Variants in AP1S3 observed in about 807,000 individuals in gnomAD.
The protein encoded by AP1S3 is adaptor related protein complex 1 subunit sigma 3.
AP1S3 carries 10 observed loss-of-function variants against 20.9 expected under a neutral mutation model. That is an observed-to-expected ratio of 0.48 (90% CI 0.29 to 0.81). The LOEUF (loss-of-function observed/expected upper bound fraction) is 0.81. AP1S3 is among the 30% of genes least tolerant of loss of function. The probability of loss-of-function intolerance (pLI) is 0.08; values close to 1 mark genes in which losing one functional copy is unlikely to be tolerated. For synonymous variants in AP1S3, 41 were observed against 61.5 expected (o/e 0.67, Z 1.56); for missense variants, 154 against 183.8 (o/e 0.84, Z 0.94).
At chr2:223,779,030 G>T (rs1392688878) in intron 1 of AP1S3, among the ~76,000 whole-genome samples, 2 of 152,060 alleles carry the variant, frequency 1.3e-5, no homozygotes, top group African/African-American at 2.4e-5. Flanking sequence ...CATTTTGCAC[G>T]CTACTTGGCT....
intron 3 of AP1S3, 66 bp from the exon 4 acceptor site, chr2:223,765,416 T>A: frequency 6.6e-7 from 1 of 1,522,348 alleles, no homozygotes; most frequent in Non-Finnish European, 8.8e-7. Flanking sequence ...TCTGCCCGAA[T>A]CTCGAGCTTT....
At chr2:223,778,265 A>T (rs1690838574) in intron 1 of AP1S3, among the ~76,000 whole-genome samples, 1 of 151,868 alleles carries the variant, frequency 6.6e-6, no homozygotes, top group South Asian at 2.1e-4. Context: ...AGCTGGAATT[A>T]CAGGTGCCCA....
intron 2 of AP1S3, among the ~76,000 whole-genome samples, chr2:223,776,637 C>T (rs1475356053): frequency 6.6e-6 from 1 of 152,154 alleles, no homozygotes; most frequent in African/African-American, 2.4e-5. Context: ...AGGGTCAGGT[C>T]AGCTGTGTTC....
At chr2:223,816,695 T>C (rs988832142) in intron 1 of AP1S3, among the ~76,000 whole-genome samples, 1 of 152,236 alleles carries the variant, frequency 6.6e-6, no homozygotes, top group Non-Finnish European at 1.5e-5. Flanking sequence ...TTTTCACATA[T>C]GTGCAGTGTC....
intron 3 of AP1S3, 98 bp from the exon 4 acceptor site, chr2:223,765,448 G>T: frequency 7.8e-7 from 1 of 1,279,840 alleles, no homozygotes; most frequent in Non-Finnish European, 1.1e-6. Flanking sequence ...CTCATGTGGC[G>T]TACCAAAAAT....
chr2:223,793,519 T>G (rs667935), intron 1 of AP1S3, among the ~76,000 whole-genome samples: 73,658 of 151,780 alleles, frequency 0.49, 18,517 homozygotes, highest in African/African-American at 0.61. Flanking sequence ...GGGAGCTGAA[T>G]GATGAGAACA....
intron 1 of AP1S3, among the ~76,000 whole-genome samples, chr2:223,796,765 G>A (rs886162472): frequency 6.6e-6 from 1 of 152,172 alleles, no homozygotes; most frequent in Non-Finnish European, 1.5e-5. Context: ...CTAGGTTCAA[G>A]CGATTCTCCC....
intron 1 of AP1S3, among the ~76,000 whole-genome samples, chr2:223,779,646 A>C (rs1259647565): frequency 6.6e-6 from 1 of 152,186 alleles, no homozygotes; most frequent in African/African-American, 2.4e-5. Context: ...AAATTATTAG[A>C]TTTTAAGAAA....
chr2:223,817,728 G>A lies in AP1S3; in HGVS notation c.3+19720C>T, dbSNP rs945731735. On this transcript the variant is annotated intron_variant, in intron 1 of 4. Transcript: ENST00000396654. ...TGTTGATTTATTTAACTGGAATGGA[G>A]ATAGACACAACAGCTATGAGCTGAA... is the stretch of plus-strand genomic sequence containing the variant. Among the ~76,000 whole-genome samples the A allele has an allele frequency of 2.0e-5, 3 of 151,962 alleles. No individual in the cohort carries two copies. The East Asian group carries it at 5.8e-4, about 29-fold the overall frequency.
chr2:223,801,325 T>C (rs1051008320), intron 1 of AP1S3, among the ~76,000 whole-genome samples: 1 of 152,200 alleles, frequency 6.6e-6, no homozygotes, highest in Non-Finnish European at 1.5e-5. Flanking sequence ...CCAGAGCCCA[T>C]TCTCTTAACA....
rs143997318 is a variant in AP1S3 at position 223,773,591 on chromosome 2, ATT to A, written c.291+2308_291+2309del. ...CAACATTTTAGGTCTTAACAACATC[ATT>A]TACAAGGGGGAAAAAAGGGAGGGAG... On this transcript the variant is annotated intron_variant, in intron 3 of 4. Coordinates refer to ENST00000396654, the MANE Select transcript of AP1S3 (RefSeq NM_001039569.2). Among the ~76,000 whole-genome samples, 629 of 152,268 alleles carry A rather than the reference ATT, an allele frequency of 4.1e-3. 1 individual carries two copies. Among genetic ancestry groups the A allele is most frequent in the African/African-American group, 0.015 (606 of 41,560 alleles).
intron 1 of AP1S3, among the ~76,000 whole-genome samples, chr2:223,780,396 G>GT (rs1553583666): frequency 5.7e-5 from 8 of 139,808 alleles, no homozygotes; most frequent in African/African-American, 1.7e-4. Context: ...GTGTGTGTGT[G>GT]TTTTGTAGAG....
intron 1 of AP1S3, among the ~76,000 whole-genome samples, chr2:223,804,604 G>A (rs1001498195): frequency 2.0e-5 from 3 of 152,068 alleles, no homozygotes; most frequent in African/African-American, 7.2e-5. Context: ...CTACTCAGGA[G>A]TCTAAGGCAG....
intron 2 of AP1S3, among the ~76,000 whole-genome samples, chr2:223,777,331 G>T (rs1690807180): frequency 6.6e-6 from 1 of 152,166 alleles, no homozygotes; most frequent in Non-Finnish European, 1.5e-5. Flanking sequence ...GGAGGTGGAA[G>T]TTGCAGTGAG....
At chr2:223,799,937 GT>G (rs1691427112) in intron 1 of AP1S3, among the ~76,000 whole-genome samples, 1 of 152,154 alleles carries the variant, frequency 6.6e-6, no homozygotes, top group Admixed American at 6.5e-5. Context: ...ATGGCCAGGT[GT>G]GGTGGCTCAC....
At chr2:223,791,876 G>A (rs1473641425) in intron 1 of AP1S3, among the ~76,000 whole-genome samples, 1 of 152,028 alleles carries the variant, frequency 6.6e-6, no homozygotes, top group African/African-American at 2.4e-5. Flanking sequence ...CTAGCCTGTT[G>A]TTGGTGAACA....
chr2:223,758,683 T>G lies in AP1S3; in HGVS notation c.*32A>C. 6.3e-7 allele frequency: 1 copy of G among 1,581,302 alleles called. No individual in the cohort carries two copies. The highest frequency in any genetic ancestry group is 8.6e-7 in the Non-Finnish European group (1 of 1,165,062). ...GTTGCTTATTTACAGCTTCATAACATGTAGTGCTGGAGTCTTCAAGTAGAT... is the reference window on the plus strand; with the variant it reads ...GTTGCTTATTTACAGCTTCATAACAGGTAGTGCTGGAGTCTTCAAGTAGAT... On this transcript the variant is annotated 3_prime_UTR_variant, in exon 5 of 5. Transcript: ENST00000396654.
chr2:223,769,276 T>A (rs115980237), intron 3 of AP1S3, among the ~76,000 whole-genome samples: 11 of 152,368 alleles, frequency 7.2e-5, no homozygotes, highest in African/African-American at 2.6e-4. Flanking sequence ...GATTTGTATA[T>A]TTAAAATTGA....
intron 1 of AP1S3, among the ~76,000 whole-genome samples, chr2:223,817,473 T>C (rs995927466): frequency 1.3e-5 from 2 of 151,592 alleles, no homozygotes; most frequent in African/African-American, 4.9e-5. Context: ...CCAGGCATGG[T>C]GGCACATGCC....
Sources: allele counts gnomAD v4.1 joint callset (sites outside exome capture counted in the v4.1 genomes callset), GRCh38; gene constraint gnomAD v4.1.1; transcripts MANE v1.5; gene names NCBI Gene and HGNC (gene_info 2026-07-23, HGNC 2026-07-21).